CNTNAP4: variants seen among roughly 807,000 people sequenced by gnomAD.
The protein encoded by CNTNAP4 is contactin associated protein family member 4.
Under a neutral mutation model 148.4 loss-of-function variants are expected in CNTNAP4, and 98 were observed. The observed-to-expected ratio is 0.66, with a 90% CI of 0.56 to 0.78. The LOEUF is 0.78. CNTNAP4 is among the 30% of genes least tolerant of loss of function. The probability of loss-of-function intolerance (pLI) is 0.00; values close to 1 mark genes in which losing one functional copy is unlikely to be tolerated. For synonymous variants in CNTNAP4, 730 were observed against 565.1 expected (o/e 1.29, Z -4.14); for missense variants, 1,935 against 1,565.6 (o/e 1.24, Z -3.98).
chr16:76,446,174 C>T (rs2080235823), intron 4 of CNTNAP4, among the ~76,000 whole-genome samples: 1 of 152,090 alleles, frequency 6.6e-6, no homozygotes, highest in South Asian at 2.1e-4. Context: ...AGACATTTCA[C>T]ATAAAATATG....
At chr16:76,459,757 G>A (rs143759094) in intron 8 of CNTNAP4, among the ~76,000 whole-genome samples, 39 of 152,286 alleles carry the variant, frequency 2.6e-4, no homozygotes, top group African/African-American at 8.9e-4. Flanking sequence ...ATCACACAGA[G>A]TTGACTATTC....
At chr16:76,487,831 T>C (rs1415217284) in intron 12 of CNTNAP4, among the ~76,000 whole-genome samples, 1 of 152,212 alleles carries the variant, frequency 6.6e-6, no homozygotes, top group Non-Finnish European at 1.5e-5. Context: ...CCATGCACTA[T>C]GGCCTTGAAT....
In CNTNAP4 at chr16:76,481,505, C is replaced by T. The variant is rs1388827066; in HGVS notation, c.1882+1967C>T. Among the ~76,000 whole-genome samples the T allele has an allele frequency of 2.0e-5, 3 of 152,120 alleles. No homozygotes were observed. The East Asian group carries it at 5.8e-4, about 29-fold the overall frequency. On this transcript the variant is annotated intron_variant, in intron 12 of 23. Coordinates refer to ENST00000611870, the MANE Select transcript of CNTNAP4 (RefSeq NM_033401.5). The stretch of plus-strand genomic sequence containing the variant: ...GACCAGGCTGGGCAACATAGTGAGA[C>T]CCCATCTCTATTTTTCTTTTTTTAA...
At chr16:76,375,349 G>T (rs2015313403) in intron 3 of CNTNAP4, among the ~76,000 whole-genome samples, 1 of 152,162 alleles carries the variant, frequency 6.6e-6, no homozygotes, top group Admixed American at 6.5e-5. Context: ...TTGAACCTGG[G>T]AGGGGGAGGT....
intron 3 of CNTNAP4, among the ~76,000 whole-genome samples, chr16:76,408,349 T>A (rs949728815): frequency 1.5e-5 from 2 of 134,696 alleles, no homozygotes; most frequent in Non-Finnish European, 2.9e-5. Context: ...ATTAAGCTAT[T>A]GCTTAACAAT....
At chr16:76,525,831 A>G (rs1482211256) in intron 17 of CNTNAP4, among the ~76,000 whole-genome samples, 1 of 147,852 alleles carries the variant, frequency 6.8e-6, no homozygotes, top group Non-Finnish European at 1.5e-5. Context: ...TATAGTTTAT[A>G]TATAACTATA....
At chr16:76,501,161 G>A (rs554747054) in intron 15 of CNTNAP4, among the ~76,000 whole-genome samples, 1 of 152,302 alleles carries the variant, frequency 6.6e-6, no homozygotes, top group South Asian at 2.1e-4. Context: ...TTCTACCAGT[G>A]AGCCTTACAC....
At chr16:76,399,725 A>G (rs1049009774) in intron 3 of CNTNAP4, among the ~76,000 whole-genome samples, 3 of 152,240 alleles carry the variant, frequency 2.0e-5, no homozygotes, top group Non-Finnish European at 4.4e-5. Context: ...AGAAATCTAT[A>G]ATCTTATCAC....
chr16:76,478,196 G>T (rs8059865), intron 11 of CNTNAP4, among the ~76,000 whole-genome samples: 82,560 of 152,030 alleles, frequency 0.54, 22,422 homozygotes, highest in Admixed American at 0.61. Context: ...CTTCCGAGTA[G>T]TCTCATCCAA....
chr16:76,284,908 A>C lies in CNTNAP4; in HGVS notation c.85+7161A>C, dbSNP rs1958821999. The stretch of plus-strand genomic sequence containing the variant: ...AGACCAATCTGACATATAATTGCAC[A>C]AGCAAAGATACTTTTGTTTCTTAAT... On this transcript the variant is annotated intron_variant, in intron 1 of 23. Transcript: ENST00000611870. 2.0e-5 allele frequency among the ~76,000 whole-genome samples: 3 copies of C among 152,082 alleles called. No homozygotes were observed. In the South Asian group the frequency reaches 6.2e-4, roughly 31 times the overall value.
At chr16:76,337,512 T>C (rs1313538180) in intron 2 of CNTNAP4, among the ~76,000 whole-genome samples, 1 of 152,130 alleles carries the variant, frequency 6.6e-6, no homozygotes, top group Non-Finnish European at 1.5e-5. Context: ...GATCACATGC[T>C]TCAGAGGGCA....
intron 2 of CNTNAP4, among the ~76,000 whole-genome samples, chr16:76,326,280 A>T (rs1008285050): frequency 6.6e-6 from 1 of 152,166 alleles, no homozygotes; most frequent in East Asian, 1.9e-4. Flanking sequence ...CAGAATGAGA[A>T]TGCCTCCCCT....
At chr16:76,487,607 C>G (rs1597706401) in intron 12 of CNTNAP4, among the ~76,000 whole-genome samples, 1 of 152,156 alleles carries the variant, frequency 6.6e-6, no homozygotes, top group African/African-American at 2.4e-5. Flanking sequence ...TTTTAAGGCA[C>G]CTATCTCCGT....
intron 2 of CNTNAP4, among the ~76,000 whole-genome samples, chr16:76,339,154 A>G (rs971779184): frequency 1.3e-5 from 2 of 151,632 alleles, no homozygotes; most frequent in Non-Finnish European, 2.9e-5. Context: ...ATGCTTTGCT[A>G]TGAAAGGTGG....
intron 3 of CNTNAP4, among the ~76,000 whole-genome samples, chr16:76,425,087 C>T (rs546788990): frequency 6.8e-4 from 103 of 152,104 alleles, no homozygotes; most frequent in Admixed American, 1.4e-3. Flanking sequence ...AGAATGGAAC[C>T]TTCTCAGGGG....
At chr16:76,460,876 A>T (rs563999266) in intron 8 of CNTNAP4, among the ~76,000 whole-genome samples, 3 of 149,308 alleles carry the variant, frequency 2.0e-5, no homozygotes, top group Middle Eastern at 3.5e-3. Flanking sequence ...TGAACACTGA[A>T]TTAGGGAATA....
intron 3 of CNTNAP4, among the ~76,000 whole-genome samples, chr16:76,366,473 C>T (rs2014148342): frequency 6.6e-6 from 1 of 152,170 alleles, no homozygotes; most frequent in African/African-American, 2.4e-5. Context: ...TCATTCTTTT[C>T]TTACGGCTGC....
At chr16:76,489,943 G>T (rs1370795638) in intron 13 of CNTNAP4, 60 bp downstream of exon 13, 2 of 1,161,442 alleles carry the variant, frequency 1.7e-6, no homozygotes, top group East Asian at 2.8e-5. Context: ...TACTCAACTA[G>T]CTCCTGAGAA....
Position 76,316,533 on chromosome 16 carries a change from C to T in CNTNAP4, c.196+10C>T. 6.4e-7 allele frequency: 1 copy of T among 1,560,264 alleles called. No individual in the cohort carries two copies. On this transcript the variant is annotated intron_variant, in intron 2 of 23. Transcript: ENST00000611870. ...CTGAATAGAAGAGATGGTAAGTCTGCTTTTCTCCTCTGACTGGCCCATAGA... is the reference window on the plus strand; with the variant it reads ...CTGAATAGAAGAGATGGTAAGTCTGTTTTTCTCCTCTGACTGGCCCATAGA...
Sources: allele counts gnomAD v4.1 joint callset (sites outside exome capture counted in the v4.1 genomes callset), GRCh38; gene constraint gnomAD v4.1.1; transcripts MANE v1.5; gene names NCBI Gene and HGNC (gene_info 2026-07-23, HGNC 2026-07-21).